The following SPAG17 variants were observed in gnomAD, a reference collection of about 807,000 sequenced individuals.
SPAG17 encodes the protein sperm-associated antigen 17.
SPAG17 carries 169 observed loss-of-function variants against 273.6 expected under a neutral mutation model. The ratio of observed to expected loss-of-function variants is 0.62; its 90% CI spans 0.55 to 0.70. SPAG17 has a LOEUF of 0.70. Among genes scored for constraint, SPAG17 ranks in the 30% least tolerant of loss-of-function variants. SPAG17 has a pLI of 0.00. For missense variants in SPAG17, 2,557 were observed against 2,627.8 expected, an observed-to-expected ratio of 0.97 and a Z score of 0.59; for synonymous variants, 825 against 873.2, an observed-to-expected ratio of 0.94 and a Z score of 0.97.
intron 21 of SPAG17, among the ~76,000 whole-genome samples, 167 bp downstream of exon 21, chr1:118,041,636 G>C (rs1023401585): frequency 7.2e-5 from 11 of 152,068 alleles, no homozygotes; most frequent in Non-Finnish European, 1.3e-4. Flanking sequence ...TTAGAAACAA[G>C]GTTCTAGGTA....
At position 118,085,905 on chromosome 1, in the gene SPAG17, C is replaced by T. The variant is rs1416225630; in HGVS notation, c.1762+17G>A. On this transcript the variant is annotated intron_variant, in intron 13 of 48. Transcript: ENST00000336338. ...TAATTAAATTGAGTTTAAGCTAAGA[C>T]AAAGCAATGGACTCACCACTCGTAC... 1 of 1,571,206 alleles carries T rather than the reference C, an allele frequency of 6.4e-7. No homozygotes were observed. Among genetic ancestry groups the T allele is most frequent in the Non-Finnish European group, 8.6e-7 (1 of 1,163,816 alleles).
intron 22 of SPAG17, 62 bp downstream of exon 22, chr1:118,040,668 C>A (rs1415595632): frequency 3.5e-6 from 4 of 1,140,400 alleles, no homozygotes; most frequent in East Asian, 2.4e-5. Flanking sequence ...GTAGAGGGCC[C>A]CTGGTTATCT....
chr1:117,988,894 T>C (rs1192702335), intron 38 of SPAG17, among the ~76,000 whole-genome samples: 2 of 152,228 alleles, frequency 1.3e-5, no homozygotes, highest in African/African-American at 2.4e-5. Flanking sequence ...TAGGAAATAC[T>C]ATGGGAAAAT....
At chr1:118,045,983 T>C (rs1022381225) in intron 20 of SPAG17, among the ~76,000 whole-genome samples, 1 of 152,026 alleles carries the variant, frequency 6.6e-6, no homozygotes, top group African/African-American at 2.4e-5. Context: ...AAAGAAGAAA[T>C]GCCCAAGAAA....
intron 13 of SPAG17, among the ~76,000 whole-genome samples, chr1:118,085,161 T>G (rs1386216358): frequency 1.3e-5 from 2 of 152,176 alleles, no homozygotes; most frequent in Non-Finnish European, 2.9e-5. Flanking sequence ...TGGTGAACAT[T>G]CCTGCCAAAT....
At chr1:118,135,404 TGTGTGTATGTGTGTGTGTGTGTGTGTGG>T (rs1658294824) in intron 3 of SPAG17, among the ~76,000 whole-genome samples, 1 of 149,900 alleles carries the variant, frequency 6.7e-6, no homozygotes, top group Admixed American at 6.6e-5. Flanking sequence ...TGTGTGTGTG[TGTGTGTATGTGTGTGTGTGTGTGTGTGG>T]GGTATGGTGT....
At chr1:118,113,455 C>A (rs1415287088) in intron 4 of SPAG17, among the ~76,000 whole-genome samples, 1 of 152,140 alleles carries the variant, frequency 6.6e-6, no homozygotes, top group Non-Finnish European at 1.5e-5. Flanking sequence ...ATGATATCAT[C>A]CCACAAACAA....
At position 118,041,835 on chromosome 1, in the gene SPAG17, G is replaced by T. The variant is rs149444979; in HGVS notation, c.3022C>A (p.Pro1008Thr). ...VKIQEVTEES[P>T]HQPEPKITYP... is the part of the protein sequence containing the mutation. ...GTTATCTTAGGTTCTGGTTGGTGGG[G>T]GGACTCTTCTGTTACTTCTTGGATC... The change falls in exon 21 of 49, where the codon CCC becomes ACC. Residue 1008 changes from proline (P) to threonine (T), a missense_variant. Coordinates refer to ENST00000336338, the MANE Select transcript of SPAG17 (RefSeq NM_206996.4). 5.4e-5 allele frequency: 87 copies of T among 1,613,458 alleles called. No homozygotes were observed. The African/African-American group carries it at 1.2e-3, about 22-fold the overall frequency.
intron 18 of SPAG17, among the ~76,000 whole-genome samples, chr1:118,064,823 A>T (rs12031789): frequency 0.015 from 2,290 of 151,950 alleles, 102 homozygotes; most frequent in Admixed American, 0.085. Context: ...AGGTGTTGCT[A>T]AGGCGGTATT....
chr1:118,062,314 C>A (rs1289079964), intron 18 of SPAG17, among the ~76,000 whole-genome samples: 1 of 143,146 alleles, frequency 7.0e-6, no homozygotes, highest in African/African-American at 2.7e-5. Context: ...TTGCAGTGAG[C>A]CGAGATCCCG....
In SPAG17 at chr1:118,036,816, T is replaced by G. The variant is rs1005116009; in HGVS notation, c.3387A>C (p.Gly1129=). Residue 1129 remains glycine (G), a synonymous_variant, in exon 24 of 49, where the codon GGA becomes GGC. Coordinates refer to ENST00000336338, the MANE Select transcript of SPAG17 (RefSeq NM_206996.4). ...FGSFSATLEN[G]ICLSISYYGS... is the part of the protein sequence containing the mutation. ...CATAGTAACTTATCGAGAGGCAGAT[T>G]CCATTTTCTAAGGTGGCAGAAAAAG... The G allele has an allele frequency of 6.4e-7, 1 of 1,560,610 alleles. No homozygotes were observed. The highest frequency in any genetic ancestry group is 1.4e-5 in the African/African-American group (1 of 73,622).
At chr1:117,979,623 A>G (rs900314943) in intron 43 of SPAG17, among the ~76,000 whole-genome samples, 1 of 152,146 alleles carries the variant, frequency 6.6e-6, no homozygotes, top group African/African-American at 2.4e-5. Context: ...CCTGCTCAAA[A>G]CCTTCCGCTG....
intron 16 of SPAG17, 100 bp downstream of exon 16, chr1:118,074,439 C>T: frequency 1.0e-6 from 1 of 995,166 alleles, no homozygotes; most frequent in Non-Finnish European, 1.6e-6. Context: ...TATTCTCCTT[C>T]TAAGTATCTT....
rs534136510 is a variant in SPAG17, at chr1:117,958,828, T to C, written c.*1-4779A>G. 9 of 925,008 alleles carry C rather than the reference T, an allele frequency of 9.7e-6. No individual in the cohort carries two copies. The African/African-American group carries it at 1.0e-4, about 10-fold the overall frequency. The allele number at this position is 925,008 out of a possible 1,614,324, so 57.3% of individuals were successfully genotyped here. ...TGTATATTTTGTTGTTGCTTTGATATTGTGTCTGTTTACTGTTTCTAGAAG... is the reference window on the plus strand; with the variant it reads ...TGTATATTTTGTTGTTGCTTTGATACTGTGTCTGTTTACTGTTTCTAGAAG... On this transcript the variant is annotated intron_variant, in intron 48 of 48. Transcript: ENST00000336338.
chr1:117,997,190 A>C (rs1319675977), intron 32 of SPAG17, among the ~76,000 whole-genome samples: 4 of 152,108 alleles, frequency 2.6e-5, no homozygotes, highest in Admixed American at 6.6e-5. Context: ...AAATAGATTT[A>C]GTATGAATAT....
chr1:118,011,224 T>C (rs1222146416), intron 30 of SPAG17, among the ~76,000 whole-genome samples: 18 of 152,226 alleles, frequency 1.2e-4, no homozygotes, highest in Admixed American at 1.2e-3. Flanking sequence ...TTACTGGGTA[T>C]ATACCTAAAG....
chr1:118,083,971 C>G (rs757974753), intron 13 of SPAG17, among the ~76,000 whole-genome samples: 2 of 151,982 alleles, frequency 1.3e-5, no homozygotes, highest in Non-Finnish European at 2.9e-5. Context: ...GGAGGAGCAC[C>G]AAGGGTCCAG....
rs1369174978 is a variant in SPAG17 at position 118,041,803 on chromosome 1, C to T, written c.3054G>A (p.Pro1018=). 9 of 1,606,230 alleles carry T rather than the reference C, an allele frequency of 5.6e-6. No homozygotes were observed. Among genetic ancestry groups the T allele is most frequent in the East Asian group, 2.2e-5 (1 of 44,830 alleles). The change falls in exon 21 of 49, where the codon CCG becomes CCA. Residue 1018 remains proline (P), a splice_region_variant and synonymous_variant. Transcript: ENST00000336338. ...TAAGTTTTACAGAATTGGAGTTTAC[C>T]GGGTAAGTTATCTTAGGTTCTGGTT... The part of the protein sequence containing the change: ...PHQPEPKITY[P]FHGYNMGNIP...
At chr1:118,114,718 A>G (rs186978985) in intron 4 of SPAG17, among the ~76,000 whole-genome samples, 181 of 152,310 alleles carry the variant, frequency 1.2e-3, no homozygotes, top group African/African-American at 3.5e-3. Flanking sequence ...CAGCATTTTA[A>G]AATATTTTTC....
Sources: gnomAD v4.1 joint callset for allele counts (sites outside exome capture counted in the v4.1 genomes callset) on GRCh38, gnomAD v4.1.1 for gene constraint, MANE v1.5 for transcripts, NCBI Gene and HGNC (gene_info 2026-07-23, HGNC 2026-07-21) for gene names.